The following MDGA2 variants were observed in gnomAD, a reference collection of about 807,000 sequenced individuals.
The protein encoded by MDGA2 is MAM domain-containing glycosylphosphatidylinositol anchor protein 2.
In MDGA2, 40 loss-of-function variants were observed where a neutral mutation model predicts 117.8. That is an observed-to-expected ratio of 0.34 (90% confidence interval 0.26 to 0.44). The LOEUF is 0.44. Ranked by LOEUF, MDGA2 falls within the 20% of genes least tolerant of loss-of-function variation. The probability of loss-of-function intolerance (pLI) is 1.00; values close to 1 mark genes in which losing one functional copy is unlikely to be tolerated. For missense variants in MDGA2, 1,123 were observed against 1,250.6 expected (o/e 0.90, Z 1.54); for synonymous variants, 452 against 439.0 (o/e 1.03, Z -0.37).
intron 1 of MDGA2, among the ~76,000 whole-genome samples, chr14:47,488,797 G>A (rs964030844): frequency 6.6e-6 from 1 of 151,938 alleles, no homozygotes; most frequent in African/African-American, 2.4e-5. Flanking sequence ...CTGCACAACA[G>A]AGGTTCACTA....
intron 7 of MDGA2, chr14:47,059,079 G>T: frequency 9.7e-7 from 1 of 1,031,634 alleles, no homozygotes; most frequent in Non-Finnish European, 1.2e-6. Flanking sequence ...AATAAGGGCA[G>T]TAAGAGGCAC....
chr14:46,969,932 C>T (rs11851868), intron 8 of MDGA2, among the ~76,000 whole-genome samples: 4 of 24,974 alleles, frequency 1.6e-4, no homozygotes, highest in African/African-American at 3.6e-4. Context: ...TTAAAGTATT[C>T]CATATATATA....
At chr14:47,040,691 C>T (rs1889032829) in intron 7 of MDGA2, among the ~76,000 whole-genome samples, 1 of 152,184 alleles carries the variant, frequency 6.6e-6, no homozygotes, top group African/African-American at 2.4e-5. Flanking sequence ...TGTGTTGAAA[C>T]TCAGTTCAAA....
chr14:47,462,754 T>A (rs539966401), intron 1 of MDGA2, among the ~76,000 whole-genome samples: 1 of 152,032 alleles, frequency 6.6e-6, no homozygotes, highest in South Asian at 2.1e-4. Flanking sequence ...AAATGGAGCA[T>A]AAAAAAACAA....
At chr14:47,575,361 A>G (rs576054933) in intron 1 of MDGA2, among the ~76,000 whole-genome samples, 2 of 152,298 alleles carry the variant, frequency 1.3e-5, no homozygotes, top group African/African-American at 4.8e-5. Flanking sequence ...ATCTGGTCCC[A>G]TTATCTAAAT....
At chr14:46,906,573 G>T (rs1035815789) in intron 10 of MDGA2, among the ~76,000 whole-genome samples, 2 of 152,032 alleles carry the variant, frequency 1.3e-5, no homozygotes, top group African/African-American at 2.4e-5. Flanking sequence ...AATTTGGTAA[G>T]ATTTCACTAT....
At chr14:47,502,682 T>TG (rs1181919899) in intron 1 of MDGA2, among the ~76,000 whole-genome samples, 2 of 152,144 alleles carry the variant, frequency 1.3e-5, no homozygotes, top group South Asian at 2.1e-4. Context: ...TGTATTTTTT[T>TG]GGGGGGGACA....
At chr14:46,977,521 T>A (rs1464779918) in intron 8 of MDGA2, among the ~76,000 whole-genome samples, 3 of 151,954 alleles carry the variant, frequency 2.0e-5, no homozygotes, top group Non-Finnish European at 4.4e-5. Flanking sequence ...GAAATGGTCA[T>A]TTGATAATAG....
intron 1 of MDGA2, among the ~76,000 whole-genome samples, chr14:47,520,723 G>A (rs746244519): frequency 2.0e-5 from 3 of 152,168 alleles, no homozygotes; most frequent in Non-Finnish European, 4.4e-5. Flanking sequence ...CACTTGACGT[G>A]TTGGAAATGA....
chr14:47,059,071 T>C (rs190982858), intron 7 of MDGA2: 407 of 1,015,818 alleles, frequency 4.0e-4, no homozygotes, highest in Non-Finnish European at 4.4e-4. Flanking sequence ...GGAATTACAA[T>C]AAGGGCAGTA....
chr14:47,031,749 T>C (rs997461268), intron 8 of MDGA2, among the ~76,000 whole-genome samples: 12 of 152,140 alleles, frequency 7.9e-5, no homozygotes, highest in Non-Finnish European at 1.8e-4. Flanking sequence ...TGCGATAGGA[T>C]AGTGTGAGTT....
intron 3 of MDGA2, among the ~76,000 whole-genome samples, chr14:47,197,274 G>A (rs1331608967): frequency 1.3e-5 from 2 of 152,028 alleles, no homozygotes; most frequent in East Asian, 3.9e-4. Context: ...GGAGCCCTTG[G>A]TCAACAATTA....
chr14:47,170,930 G>T (rs758152060), intron 3 of MDGA2, among the ~76,000 whole-genome samples: 1 of 152,078 alleles, frequency 6.6e-6, no homozygotes, highest in Admixed American at 6.5e-5. Context: ...AACTTTAAAT[G>T]TTTCGCTTTG....
At chr14:47,536,363 A>G (rs2138743526) in intron 1 of MDGA2, among the ~76,000 whole-genome samples, 1 of 152,352 alleles carries the variant, frequency 6.6e-6, no homozygotes, top group East Asian at 1.9e-4. Flanking sequence ...TTGTATGTCC[A>G]AAGGTGATGT....
intron 8 of MDGA2, among the ~76,000 whole-genome samples, chr14:46,972,902 CA>C (rs1566553638): frequency 1.3e-5 from 2 of 152,036 alleles, no homozygotes; most frequent in African/African-American, 2.4e-5. Flanking sequence ...TGAAAACATA[CA>C]AAAACTCTAA....
intron 6 of MDGA2, among the ~76,000 whole-genome samples, chr14:47,085,395 T>C (rs1405557125): frequency 1.3e-5 from 2 of 152,168 alleles, no homozygotes; most frequent in Non-Finnish European, 2.9e-5. Flanking sequence ...GGAATTTGAA[T>C]AACCTCTAGT....
At chr14:47,394,401 C>T (rs954680775) in intron 1 of MDGA2, among the ~76,000 whole-genome samples, 2 of 152,092 alleles carry the variant, frequency 1.3e-5, no homozygotes, top group African/African-American at 4.8e-5. Context: ...CCTAGACTCC[C>T]AATATTTACC....
At chr14:47,596,324 T>C (rs1051829944) in intron 1 of MDGA2, among the ~76,000 whole-genome samples, 14 of 152,202 alleles carry the variant, frequency 9.2e-5, no homozygotes, top group African/African-American at 3.4e-4. Context: ...AGCATTTGAC[T>C]CACCCTAAGA....
chr14:46,914,496 A>G (rs1281583492), intron 10 of MDGA2, among the ~76,000 whole-genome samples: 3 of 152,090 alleles, frequency 2.0e-5, no homozygotes, highest in African/African-American at 7.2e-5. Flanking sequence ...TGTGTAAGTC[A>G]ATACTGAAAT....
Sources: allele counts gnomAD v4.1 joint callset (sites outside exome capture counted in the v4.1 genomes callset), GRCh38; gene constraint gnomAD v4.1.1; transcripts MANE v1.5; gene names NCBI Gene and HGNC (gene_info 2026-07-23, HGNC 2026-07-21).